The following XIRP2 variants were observed in gnomAD, a reference collection of about 807,000 sequenced individuals.
XIRP2 encodes the protein xin actin binding repeat containing 2, also known as xin actin-binding repeat-containing protein 2.
In XIRP2, 236 loss-of-function variants were observed where a neutral mutation model predicts 277.0. The ratio of observed to expected loss-of-function variants is 0.85; its 90% CI spans 0.77 to 0.95. XIRP2 has a LOEUF of 0.95. XIRP2 is among the 40% of genes least tolerant of loss of function. XIRP2 has a pLI of 0.00. For synonymous variants in XIRP2, 1,490 were observed against 1,416.5 expected, an observed-to-expected ratio of 1.05 and a Z score of -1.17; for missense variants, 4,640 against 4,157.5, an observed-to-expected ratio of 1.12 and a Z score of -3.19.
intron 3 of XIRP2, among the ~76,000 whole-genome samples, chr2:167,164,171 C>T (rs115600426): frequency 0.099 from 14,974 of 151,892 alleles, 789 homozygotes; most frequent in South Asian, 0.15. Context: ...CCGGGCGCAG[C>T]GGCTCACGCC....
intron 2 of XIRP2, among the ~76,000 whole-genome samples, chr2:167,123,144 G>T (rs577568301): frequency 2.1e-4 from 32 of 152,254 alleles, no homozygotes; most frequent in African/African-American, 7.5e-4. Flanking sequence ...CTTGTCTCAG[G>T]ATCTAAGGTC....
chr2:167,022,007 A>T (rs1004410562), intron 2 of XIRP2, among the ~76,000 whole-genome samples: 2 of 152,106 alleles, frequency 1.3e-5, no homozygotes, highest in African/African-American at 2.4e-5. Context: ...AGATTAAACT[A>T]TGAGGTAAAC....
intron 3 of XIRP2, among the ~76,000 whole-genome samples, chr2:167,169,436 G>A (rs927669258): frequency 6.6e-6 from 1 of 152,164 alleles, no homozygotes; most frequent in Non-Finnish European, 1.5e-5. Flanking sequence ...TCCAGCACTG[G>A]TTCTTGTAGA....
intron 8 of XIRP2, 143 bp downstream of exon 8, chr2:167,242,053 A>C: frequency 9.4e-7 from 1 of 1,068,458 alleles, no homozygotes; most frequent in Non-Finnish European, 1.3e-6. Context: ...TGTAAGGAGA[A>C]TATTGACCTG....
intron 2 of XIRP2, among the ~76,000 whole-genome samples, chr2:167,116,324 T>G (rs1294475150): frequency 1.3e-5 from 2 of 152,234 alleles, no homozygotes; most frequent in Non-Finnish European, 2.9e-5. Flanking sequence ...CTCTGTTGAT[T>G]CATACATACA....
intron 3 of XIRP2, among the ~76,000 whole-genome samples, chr2:167,204,861 T>G (rs960173015): frequency 6.6e-6 from 1 of 152,256 alleles, no homozygotes; most frequent in African/African-American, 2.4e-5. Context: ...GAAATCATTT[T>G]ATGAACTACT....
At chr2:167,175,899 GCGGC>G (rs1692830222) in intron 3 of XIRP2, among the ~76,000 whole-genome samples, 2 of 152,176 alleles carry the variant, frequency 1.3e-5, no homozygotes, top group Admixed American at 1.3e-4. Flanking sequence ...GTGGTACCCA[GCGGC>G]TTTGTTTACC....
intron 2 of XIRP2, among the ~76,000 whole-genome samples, chr2:167,023,574 T>A (rs1688051335): frequency 6.6e-6 from 1 of 152,162 alleles, no homozygotes; most frequent in African/African-American, 2.4e-5. Flanking sequence ...TCTTCTAGGG[T>A]TTTTATGGTT....
rs76672761 is a variant in XIRP2 at position 167,244,876 on chromosome 2, G to A, written c.3484G>A (p.Val1162Ile). The A allele has an allele frequency of 0.022, 35,090 of 1,613,640 alleles. 500 individuals are homozygous for A. Among genetic ancestry groups the A allele is most frequent in the Non-Finnish European group, 0.026 (31,179 of 1,179,760 alleles). Reference sequence around the variant, plus strand: ...ACAGGAGGAGATCCAAGGTGGGGATGTTCGTACAGCATGTTTTCTTTTTGA... The same window carrying A: ...ACAGGAGGAGATCCAAGGTGGGGATATTCGTACAGCATGTTTTCTTTTTGA... ...VKQEEIQGGDVRTACFLFETE... is the reference protein window; with the variant it reads ...VKQEEIQGGDIRTACFLFETE... The change falls in exon 9 of 11, where the codon GTT becomes ATT. Residue 1162 changes from valine (V) to isoleucine (I), a missense_variant. Physicochemically the swap from Val to Ile is conservative, Grantham distance 29. Coordinates refer to ENST00000409195, the MANE Select transcript of XIRP2 (RefSeq NM_152381.6).
At chr2:166,949,471 G>A (rs1237663726) in intron 2 of XIRP2, among the ~76,000 whole-genome samples, 1 of 152,062 alleles carries the variant, frequency 6.6e-6, no homozygotes, top group Non-Finnish European at 1.5e-5. Context: ...GGTCCTTTTT[G>A]TTGCAGCTAC....
chr2:166,926,781 A>G (rs1685198871), intron 2 of XIRP2, among the ~76,000 whole-genome samples: 1 of 152,150 alleles, frequency 6.6e-6, no homozygotes, highest in South Asian at 2.1e-4. Flanking sequence ...GAGCAGAGGA[A>G]ACATCAGCCC....
At chr2:166,966,720 AT>A (rs765671906) in intron 2 of XIRP2, among the ~76,000 whole-genome samples, 13 of 151,990 alleles carry the variant, frequency 8.6e-5, no homozygotes, top group Non-Finnish European at 1.5e-4. Flanking sequence ...GGACCTTTGA[AT>A]CATGACATGG....
chr2:166,947,313 GAA>G (rs1685902363), intron 2 of XIRP2, among the ~76,000 whole-genome samples: 1 of 152,078 alleles, frequency 6.6e-6, no homozygotes, highest in Non-Finnish European at 1.5e-5. Flanking sequence ...TTATTTTCAT[GAA>G]AGTCTAAAAC....
intron 2 of XIRP2, among the ~76,000 whole-genome samples, chr2:167,104,317 A>T (rs578211366): frequency 9.9e-5 from 15 of 152,150 alleles, no homozygotes; most frequent in Non-Finnish European, 2.1e-4. Context: ...AAAAATACTG[A>T]TGCATATAGA....
At chr2:167,160,269 A>C (rs888654410) in intron 3 of XIRP2, among the ~76,000 whole-genome samples, 1 of 152,180 alleles carries the variant, frequency 6.6e-6, no homozygotes, top group Non-Finnish European at 1.5e-5. Context: ...GTTTTAAAGC[A>C]CTCATAATTC....
At chr2:167,130,158 A>T (rs1287818192) in intron 2 of XIRP2, among the ~76,000 whole-genome samples, 1 of 151,680 alleles carries the variant, frequency 6.6e-6, no homozygotes. Context: ...CCCTGAAATC[A>T]CCAGTGTCCC....
At chr2:166,924,154 G>A in intron 2 of XIRP2, among the ~76,000 whole-genome samples, 1 of 152,020 alleles carries the variant, frequency 6.6e-6, no homozygotes, top group African/African-American at 2.4e-5. Context: ...GGGCTCATCG[G>A]GAATACATTA....
At chr2:167,131,770 C>T (rs948919460) in intron 2 of XIRP2, among the ~76,000 whole-genome samples, 9 of 152,064 alleles carry the variant, frequency 5.9e-5, no homozygotes, top group Admixed American at 5.2e-4. Context: ...TCAATTACCA[C>T]GGAAGGCAGA....
At chr2:167,033,374 C>A (rs1239966387) in intron 2 of XIRP2, among the ~76,000 whole-genome samples, 1 of 152,080 alleles carries the variant, frequency 6.6e-6, no homozygotes, top group Non-Finnish European at 1.5e-5. Flanking sequence ...ACCACCATGG[C>A]ACGTGTATAC....
Sources: gnomAD v4.1 joint callset for allele counts (sites outside exome capture counted in the v4.1 genomes callset) on GRCh38, gnomAD v4.1.1 for gene constraint, MANE v1.5 for transcripts, NCBI Gene and HGNC (gene_info 2026-07-23, HGNC 2026-07-21) for gene names.